The following MAPKAPK3 variants were observed in gnomAD, a reference collection of about 807,000 sequenced individuals.
The protein encoded by MAPKAPK3 is MAPK activated protein kinase 3.
A neutral mutation model predicts 49.2 loss-of-function variants in MAPKAPK3; 35 were observed. That is an observed-to-expected ratio of 0.71 (90% CI 0.54 to 0.94). The LOEUF (loss-of-function observed/expected upper bound fraction) is 0.94, where lower values mean the gene tolerates loss of function less well. Among genes scored for constraint, MAPKAPK3 ranks in the 40% least tolerant of loss-of-function variants. The pLI is 0.00. For missense variants in MAPKAPK3, 398 were observed against 493.1 expected, an observed-to-expected ratio of 0.81 and a Z score of 1.83; for synonymous variants, 178 against 188.7, an observed-to-expected ratio of 0.94 and a Z score of 0.46.
In MAPKAPK3 at chr3:50,634,271, C is replaced by T. The variant is rs1386005638; in HGVS notation, c.220-6095C>T. On this transcript the variant is annotated intron_variant, in intron 2 of 10. Coordinates refer to ENST00000621469, the MANE Select transcript of MAPKAPK3 (RefSeq NM_001243925.2). ...CTTCCTCAGGAAGAAGCCCAGTTTC[C>T]ACCTCACAGGGGTGTGTGTATGTGT... Among the ~76,000 whole-genome samples, 6 of 152,170 alleles carry T rather than the reference C, an allele frequency of 3.9e-5. No homozygotes were observed. In the East Asian group the frequency reaches 7.8e-4, roughly 20 times the overall value.
chr3:50,621,149 A>G (rs115711371), intron 2 of MAPKAPK3, among the ~76,000 whole-genome samples: 56 of 152,290 alleles, frequency 3.7e-4, no homozygotes, highest in African/African-American at 1.3e-3. Flanking sequence ...TGACCATGGC[A>G]CTTAGTATCT....
intron 2 of MAPKAPK3, among the ~76,000 whole-genome samples, chr3:50,630,982 C>G (rs1456215639): frequency 6.6e-6 from 1 of 152,222 alleles, no homozygotes; most frequent in African/African-American, 2.4e-5. Context: ...ATTCCCTCAG[C>G]ACCTACCTGG....
At chr3:50,638,942 A>ATCTGTG (rs2033107608) in intron 2 of MAPKAPK3, among the ~76,000 whole-genome samples, 1 of 152,250 alleles carries the variant, frequency 6.6e-6, no homozygotes, top group Non-Finnish European at 1.5e-5. Context: ...ACAGTGTCAC[A>ATCTGTG]GATGGTCCTT....
intron 2 of MAPKAPK3, among the ~76,000 whole-genome samples, chr3:50,637,023 C>T (rs1233803816): frequency 6.6e-6 from 1 of 152,116 alleles, no homozygotes; most frequent in East Asian, 1.9e-4. Context: ...GAAATGGGTT[C>T]CTAAATATGG....
chr3:50,647,849 A>G (rs1230553738), intron 10 of MAPKAPK3, 45 bp from the exon 11 acceptor site: 2 of 1,573,090 alleles, frequency 1.3e-6, no homozygotes, highest in Admixed American at 3.7e-5. Context: ...TCCTAAGGTC[A>G]GTACATCCTG....
intron 6 of MAPKAPK3, 45 bp downstream of exon 6, chr3:50,644,577 A>T: frequency 6.2e-7 from 1 of 1,608,292 alleles, no homozygotes; most frequent in Non-Finnish European, 8.5e-7. Context: ...CCCAACTTAT[A>T]CAGCTGTATT....
At chr3:50,640,852 C>A (rs1444420041) in intron 3 of MAPKAPK3, among the ~76,000 whole-genome samples, 1 of 152,226 alleles carries the variant, frequency 6.6e-6, no homozygotes, top group East Asian at 1.9e-4. Context: ...CCACGCAGTT[C>A]CCTCAGCTTT....
chr3:50,630,306 CCCAG>C (rs2032871217), intron 2 of MAPKAPK3, among the ~76,000 whole-genome samples: 1 of 152,238 alleles, frequency 6.6e-6, no homozygotes, highest in African/African-American at 2.4e-5. Flanking sequence ...CATTCCCAGT[CCCAG>C]TCCAGGTCTA....
chr3:50,617,103 A>AGTG (rs1553624968), upstream of MAPKAPK3: 2 of 6,672 alleles, frequency 3.0e-4, no homozygotes, highest in Admixed American at 1.3e-3. Flanking sequence ...GGAGTGGGGG[A>AGTG]GGGGGGGGTG....
chr3:50,634,437 A>G (rs1211737539), intron 2 of MAPKAPK3, among the ~76,000 whole-genome samples: 1 of 150,528 alleles, frequency 6.6e-6, no homozygotes. Flanking sequence ...GAGAGGAATG[A>G]GGCAAGGGTG....
At chr3:50,627,868 GC>G (rs973344454) in intron 2 of MAPKAPK3, among the ~76,000 whole-genome samples, 7 of 152,272 alleles carry the variant, frequency 4.6e-5, no homozygotes, top group African/African-American at 1.4e-4. Flanking sequence ...GATGGCTAGT[GC>G]CCCTGCTACC....
At chr3:50,618,158 T>G (rs2032519248) in intron 2 of MAPKAPK3, among the ~76,000 whole-genome samples, 1 of 152,210 alleles carries the variant, frequency 6.6e-6, no homozygotes, top group Non-Finnish European at 1.5e-5. Flanking sequence ...CTGACTGGAA[T>G]GGATCTGTTT....
intron 2 of MAPKAPK3, among the ~76,000 whole-genome samples, chr3:50,623,983 C>T (rs1282480920): frequency 1.3e-5 from 2 of 152,244 alleles, no homozygotes. Context: ...GTGGCAGTCC[C>T]ATGAGGCCAG....
At chr3:50,635,970 G>A (rs943297003) in intron 2 of MAPKAPK3, among the ~76,000 whole-genome samples, 1 of 149,114 alleles carries the variant, frequency 6.7e-6, no homozygotes, top group Admixed American at 6.7e-5. Flanking sequence ...AAATTAGCCA[G>A]GTGTGGTGGC....
chr3:50,617,438 A>AT, intron 1 of MAPKAPK3, 76 bp from the exon 2 acceptor site: 1 of 609,688 alleles, frequency 1.6e-6, no homozygotes, highest in East Asian at 2.7e-5. Context: ...CTCGCAGCCC[A>AT]GCCCAGTTCA....
upstream of MAPKAPK3, among the ~76,000 whole-genome samples, chr3:50,614,896 G>T (rs564264463): frequency 6.6e-6 from 1 of 152,236 alleles, no homozygotes; most frequent in African/African-American, 2.4e-5. Flanking sequence ...TCATACTTCT[G>T]TATAATTTGA....
intron 2 of MAPKAPK3, among the ~76,000 whole-genome samples, chr3:50,633,053 G>C (rs940990076): frequency 6.7e-6 from 1 of 148,816 alleles, no homozygotes; most frequent in Non-Finnish European, 1.5e-5. Flanking sequence ...TGATTTTCTA[G>C]TTCTGGGCAA....
intron 2 of MAPKAPK3, among the ~76,000 whole-genome samples, chr3:50,630,432 A>G (rs1004570967): frequency 2.6e-5 from 4 of 152,240 alleles, no homozygotes; most frequent in Admixed American, 6.5e-5. Context: ...AGTGGTGGCC[A>G]TGTGCAAACC....
chr3:50,612,738 TGAGA>T (rs904911489), upstream of MAPKAPK3: 4 of 151,502 alleles, frequency 2.6e-5, no homozygotes, highest in African/African-American at 9.7e-5. Flanking sequence ...AAAAAAATGC[TGAGA>T]GAGAGTCCTG....
Sources: allele counts gnomAD v4.1 joint callset (sites outside exome capture counted in the v4.1 genomes callset), GRCh38; gene constraint gnomAD v4.1.1; transcripts MANE v1.5; gene names NCBI Gene and HGNC (gene_info 2026-07-23, HGNC 2026-07-21).